The following MAP3K15 variants were observed in gnomAD, a reference collection of about 807,000 sequenced individuals.
MAP3K15 encodes the protein MAPK/ERK kinase kinase 15.
MAP3K15 carries 124 observed loss-of-function variants against 99.5 expected under a neutral mutation model. The ratio of observed to expected loss-of-function variants is 1.25; its 90% CI spans 1.08 to 1.45. The LOEUF (loss-of-function observed/expected upper bound fraction) is 1.45. Ranked by LOEUF, MAP3K15 falls within the 40% of genes most tolerant of loss-of-function variation. The pLI, the probability that MAP3K15 is intolerant of heterozygous loss-of-function variation, is 0.00. For synonymous variants in MAP3K15, 494 were observed against 439.6 expected, an observed-to-expected ratio of 1.12 and a Z score of -1.55; for missense variants, 1,242 against 1,079.7, an observed-to-expected ratio of 1.15 and a Z score of -2.11.
At position 19,362,807 on chromosome X, in the gene MAP3K15, G is replaced by C. The variant is rs747281853; in HGVS notation, c.3610C>G (p.Leu1204Val). Residue 1204 changes from leucine to valine, a missense_variant, in exon 26 of 29, where the codon CTT becomes GTT. Transcript: ENST00000338883. ...LVEKEREYQN[L>V]LRQTLEQKTQ... is the part of the protein sequence containing the mutation. ...TTCTGTTCTAGAGTTTGCCGCAGAAGATTCTGGTACTCTCTCTCTTTTTCA... is the reference window on the plus strand; with the variant it reads ...TTCTGTTCTAGAGTTTGCCGCAGAACATTCTGGTACTCTCTCTCTTTTTCA... 2 of 1,179,325 alleles carry C rather than the reference G, an allele frequency of 1.7e-6. No homozygotes were observed. Among genetic ancestry groups the C allele is most frequent in the South Asian group, 3.7e-5 (2 of 54,692 alleles).
intron 6 of MAP3K15, among the ~76,000 whole-genome samples, chrX:19,443,583 T>C (rs1336343648): frequency 8.9e-6 from 1 of 112,092 alleles, no homozygotes; most frequent in Non-Finnish European, 1.9e-5. Flanking sequence ...ACATCAGCTT[T>C]TCTCAGAAAG....
intron 5 of MAP3K15, among the ~76,000 whole-genome samples, chrX:19,458,524 A>T (rs897541388): frequency 2.7e-4 from 30 of 111,133 alleles, no homozygotes; most frequent in African/African-American, 5.9e-4. Flanking sequence ...ACTAAAAATT[A>T]AAAAAGTTAG....
chrX:19,372,977 A>G lies in MAP3K15; in HGVS notation c.2934-150T>C, dbSNP rs1269809725. On this transcript the variant is annotated intron_variant, in intron 21 of 28. Transcript: ENST00000338883. ...GATGAAATTGCCGGAGGAAGGACAG[A>G]CATGCAGTGTTCTGTCAACCCCCAC... is the stretch of plus-strand genomic sequence containing the variant. 2.4e-5 allele frequency: 12 copies of G among 491,482 alleles called. No individual in the cohort carries two copies. In the East Asian group the frequency reaches 3.6e-4, roughly 15 times the overall value. The allele number at this position is 491,482 out of a possible 1,213,427, so 40.5% of individuals were successfully genotyped here.
At chrX:19,427,246 C>T (rs5955778) in intron 7 of MAP3K15, among the ~76,000 whole-genome samples, 4,002 of 110,762 alleles carry the variant, frequency 0.036, 100 homozygotes, top group South Asian at 0.12. Flanking sequence ...TGGGCTCAAG[C>T]GATCCTCCCA....
rs369332453 is a variant in MAP3K15 at position 19,360,079 on chromosome X, A to G, written c.*670T>C. The G allele has an allele frequency of 5.4e-6, 1 of 183,751 alleles. No individual in the cohort carries two copies. The highest frequency in any genetic ancestry group is 1.0e-5 in the Non-Finnish European group (1 of 99,668). 15.1% of individuals were successfully genotyped at this position (183,751 alleles called of 1,213,427 possible). On this transcript the variant is annotated 3_prime_UTR_variant, in exon 29 of 29. Transcript: ENST00000338883. ...TTCTCTACAAGATACAATATTTATT[A>G]TCAGGCAAGAGGACAGTTCCATTTT...
At chrX:19,502,726 C>G (rs2064448683) in intron 1 of MAP3K15, among the ~76,000 whole-genome samples, 1 of 111,778 alleles carries the variant, frequency 8.9e-6, no homozygotes, top group South Asian at 3.7e-4. Context: ...GAGGCTGTGA[C>G]TGGAGAATCA....
Position 19,424,191 on chromosome X carries a change from T to TAC in MAP3K15, c.1439+1339_1439+1340insGT, listed in dbSNP as rs762016894. ...GAGTCCTTCCAGCAAATCATGTATA[T>TAC]ATACACACACACACACACATATATA... On this transcript the variant is annotated intron_variant, in intron 9 of 28. Transcript: ENST00000338883. Among the ~76,000 whole-genome samples the TAC allele has an allele frequency of 1.2e-3, 127 of 108,169 alleles. 1 individual carries two copies. Among genetic ancestry groups the TAC allele is most frequent in the African/African-American group, 4.1e-3 (119 of 29,323 alleles). 93.9% of individuals were successfully genotyped at this position (108,169 alleles called of 115,157 possible). A position where few individuals can be genotyped will look rare whatever the true frequency, so the allele number is the denominator to read the frequency against.
intron 18 of MAP3K15, among the ~76,000 whole-genome samples, chrX:19,380,657 T>C (rs1314102862): frequency 9.0e-6 from 1 of 111,341 alleles, no homozygotes; most frequent in East Asian, 2.8e-4. Context: ...ACCCAAGTAG[T>C]TGGGATTAGA....
chrX:19,490,755 T>TA (rs745597892), intron 1 of MAP3K15, among the ~76,000 whole-genome samples: 85 of 74,535 alleles, frequency 1.1e-3, no homozygotes, highest in Middle Eastern at 6.8e-3. Context: ...TCTCATAAAC[T>TA]AAAAAAAAAA....
chrX:19,488,250 T>C (rs772292322), intron 2 of MAP3K15, among the ~76,000 whole-genome samples: 1 of 112,066 alleles, frequency 8.9e-6, no homozygotes, highest in Non-Finnish European at 1.9e-5. Context: ...AAAAAGCTTG[T>C]CTCAAACTTG....
intron 18 of MAP3K15, among the ~76,000 whole-genome samples, chrX:19,384,757 A>AC (rs1281325111): frequency 3.6e-5 from 3 of 82,656 alleles, no homozygotes; most frequent in Non-Finnish European, 6.3e-5. Flanking sequence ...GGGAAAAAAA[A>AC]AAAAAAAAAA....
Position 19,362,737 on chromosome X carries a change from C to A in MAP3K15, c.3679+1G>T. The A allele has an allele frequency of 9.2e-7, 1 of 1,083,733 alleles. No individual in the cohort carries two copies. The allele number at this position is 1,083,733 out of a possible 1,213,427, so 89.3% of individuals were successfully genotyped here. A position where few individuals can be genotyped will look rare whatever the true frequency, so the allele number is the denominator to read the frequency against. ...GTCTGTCTCATTGGAAAATGACTTA[C>A]AATTCGATTTTAATTTTAACTGAAG... On this transcript the variant is annotated splice_donor_variant, in intron 26 of 28. Coordinates refer to ENST00000338883, the MANE Select transcript of MAP3K15 (RefSeq NM_001001671.4). LOFTEE classifies it high-confidence loss of function.
intron 9 of MAP3K15, among the ~76,000 whole-genome samples, chrX:19,416,059 G>A (rs1042749341): frequency 7.2e-5 from 8 of 111,883 alleles, no homozygotes; most frequent in East Asian, 5.6e-4. Context: ...GGCCAGGTGC[G>A]GTGGCTCACA....
rs544888831 is a variant in MAP3K15, at chrX:19,406,019, G to A, written c.1844+1169C>T. Reference sequence around the variant, plus strand: ...GAAATGATGCTCAGTATCATTAGTCGTCAGGAAAATGCGAATCAAAACCAC... The same window carrying A: ...GAAATGATGCTCAGTATCATTAGTCATCAGGAAAATGCGAATCAAAACCAC... On this transcript the variant is annotated intron_variant, in intron 13 of 28. Transcript: ENST00000338883. 3.9e-4 allele frequency among the ~76,000 whole-genome samples: 44 copies of A among 111,861 alleles called. No individual in the cohort carries two copies. In the South Asian group the frequency reaches 0.011, roughly 27 times the overall value.
intron 6 of MAP3K15, among the ~76,000 whole-genome samples, chrX:19,454,536 C>A (rs896230488): frequency 2.7e-5 from 3 of 111,439 alleles, no homozygotes; most frequent in African/African-American, 6.5e-5. Context: ...CTGACCGGCT[C>A]GAGCCAGCTT....
intron 10 of MAP3K15, among the ~76,000 whole-genome samples, chrX:19,413,816 G>A (rs183672557): frequency 9.4e-6 from 1 of 106,211 alleles, no homozygotes; most frequent in Admixed American, 1.0e-4. Context: ...GGAGAGAAAA[G>A]GTGGGGAGAA....
intron 19 of MAP3K15, among the ~76,000 whole-genome samples, chrX:19,378,847 C>T (rs960048440): frequency 9.0e-6 from 1 of 111,626 alleles, no homozygotes; most frequent in African/African-American, 3.3e-5. Context: ...GCTCAATCTG[C>T]ACTATGTTGG....
intron 4 of MAP3K15, among the ~76,000 whole-genome samples, chrX:19,460,482 C>T (rs1463074916): frequency 8.9e-6 from 1 of 112,104 alleles, no homozygotes; most frequent in African/African-American, 3.2e-5. Flanking sequence ...GAGAAGTTAC[C>T]TTCCTTGTGT....
intron 6 of MAP3K15, among the ~76,000 whole-genome samples, chrX:19,441,053 G>A: frequency 8.9e-6 from 1 of 111,907 alleles, no homozygotes; most frequent in Non-Finnish European, 1.9e-5. Flanking sequence ...CTGTACAATG[G>A]AATATTAAGC....
Sources: gnomAD v4.1 joint callset for allele counts (sites outside exome capture counted in the v4.1 genomes callset) on GRCh38, gnomAD v4.1.1 for gene constraint, MANE v1.5 for transcripts, NCBI Gene and HGNC (gene_info 2026-07-23, HGNC 2026-07-21) for gene names.